Variants in BRSK2 observed in about 807,000 individuals in gnomAD.
The protein encoded by BRSK2 is BR serine/threonine kinase 2, also known as serine/threonine-protein kinase BRSK2.
In BRSK2, 19 loss-of-function variants were observed where a neutral mutation model predicts 83.3. The ratio of observed to expected loss-of-function variants is 0.23; its 90% CI spans 0.16 to 0.33. BRSK2 has a LOEUF of 0.33. BRSK2 is among the 10% of genes least tolerant of loss of function. BRSK2 has a pLI of 1.00. For synonymous variants in BRSK2, 519 were observed against 435.4 expected (o/e 1.19, Z -2.39); for missense variants, 798 against 1,042.3 (o/e 0.77, Z 3.23).
chr11:1,409,182 C>T (rs1382192523), intron 1 of BRSK2, among the ~76,000 whole-genome samples: 1 of 152,180 alleles, frequency 6.6e-6, no homozygotes, highest in Non-Finnish European at 1.5e-5. Context: ...CTCTGCCCCG[C>T]CCCAGCCATC....
chr11:1,420,848 C>T (rs971384937), intron 1 of BRSK2, among the ~76,000 whole-genome samples: 12 of 152,046 alleles, frequency 7.9e-5, no homozygotes, highest in Non-Finnish European at 1.2e-4. Flanking sequence ...AGCAGGTGCC[C>T]GGCAACTCCC....
At chr11:1,393,507 G>C (rs915659325) in intron 1 of BRSK2, among the ~76,000 whole-genome samples, 1 of 152,216 alleles carries the variant, frequency 6.6e-6, no homozygotes, top group Non-Finnish European at 1.5e-5. Flanking sequence ...GAACGAAGGA[G>C]CTAGGATGAG....
chr11:1,410,868 C>T (rs1026126551), intron 1 of BRSK2: 39 of 985,530 alleles, frequency 4.0e-5, no homozygotes, highest in Middle Eastern at 1.0e-3. Flanking sequence ...TCAGCAGCCA[C>T]TTGGTAGGAG....
chr11:1,397,994 G>A (rs749129212), intron 1 of BRSK2, among the ~76,000 whole-genome samples: 5 of 152,240 alleles, frequency 3.3e-5, no homozygotes, highest in Non-Finnish European at 7.3e-5. Context: ...CCGGGCAGAG[G>A]TGGGAGGGCG....
At position 1,461,768 on chromosome 11, in the gene BRSK2, AGGGTGT is replaced by A. The variant is rs1847525246; in HGVS notation, c.*1049_*1054del. ...TTTTTTTCTTGGTGGTTTTTGGAAAAGGGTGTGGGGGTGGGGGCGCCGCTGGGGCAG... is the reference window on the plus strand; with the variant it reads ...TTTTTTTCTTGGTGGTTTTTGGAAAAGGGGGTGGGGGCGCCGCTGGGGCAG... On this transcript the variant is annotated 3_prime_UTR_variant, in exon 20 of 20. Transcript: ENST00000528841. 1 of 125,644 alleles carries A rather than the reference AGGGTGT, an allele frequency of 8.0e-6. No homozygotes were observed. The highest frequency in any genetic ancestry group is 1.7e-5 in the Non-Finnish European group (1 of 60,302). The allele number at this position is 125,644 out of a possible 1,614,324, so 7.8% of individuals were successfully genotyped here.
At chr11:1,411,389 G>A (rs879696806) in intron 1 of BRSK2, 6 of 1,458,786 alleles carry the variant, frequency 4.1e-6, no homozygotes, top group Non-Finnish European at 5.4e-6. Flanking sequence ...GCCTGGTAGG[G>A]CACCAGCCTC....
intron 1 of BRSK2, among the ~76,000 whole-genome samples, chr11:1,417,664 G>T (rs1848235321): frequency 6.9e-6 from 1 of 145,412 alleles, no homozygotes; most frequent in African/African-American, 2.6e-5. Flanking sequence ...CTTGAGAGTG[G>T]GTCACACTGT....
chr11:1,454,325 T>C lies in BRSK2; in HGVS notation c.1545-160T>C, dbSNP rs1193828005. The C allele has an allele frequency of 2.5e-6, 2 of 812,018 alleles. No homozygotes were observed. Among genetic ancestry groups the C allele is most frequent in the South Asian group, 1.6e-5 (1 of 62,390 alleles). The allele number at this position is 812,018 out of a possible 1,614,324, so 50.3% of individuals were successfully genotyped here. On this transcript the variant is annotated intron_variant, in intron 15 of 19. Transcript: ENST00000528841. The surrounding 1 kb of genome is among the most constrained non-coding windows in gnomAD (Gnocchi z 5.2). ...GGGCATATGGGCTAGGGTTAGGGCGTTGGGGTCAGGGCCATGGGTTCTGGC... is the reference window on the plus strand; with the variant it reads ...GGGCATATGGGCTAGGGTTAGGGCGCTGGGGTCAGGGCCATGGGTTCTGGC...
At chr11:1,426,891 G>T (rs919420922) in intron 1 of BRSK2, among the ~76,000 whole-genome samples, 1 of 152,092 alleles carries the variant, frequency 6.6e-6, no homozygotes, top group Non-Finnish European at 1.5e-5. Context: ...GGACCACTCC[G>T]CCTGGTGGGA....
chr11:1,400,060 C>A (rs1265163001), intron 1 of BRSK2, among the ~76,000 whole-genome samples: 1 of 152,208 alleles, frequency 6.6e-6, no homozygotes, highest in East Asian at 1.9e-4. Flanking sequence ...ACCAAAGGGC[C>A]GTTATCACCC....
In BRSK2 at chr11:1,441,076, C is replaced by T. The variant is rs1465876973; in HGVS notation, c.413+148C>T. The stretch of plus-strand genomic sequence containing the variant: ...CCCCCCATTAGCTGCCCCTCAAGTG[C>T]ACCATCTCCTCCTCCCCATTAGCTG... On this transcript the variant is annotated intron_variant, in intron 4 of 19. Coordinates refer to ENST00000528841, the MANE Select transcript of BRSK2 (RefSeq NM_001256627.2). 19 of 660,672 alleles carry T rather than the reference C, an allele frequency of 2.9e-5. No homozygotes were observed. In the East Asian group the frequency reaches 3.7e-4, roughly 13 times the overall value. 40.9% of individuals were successfully genotyped at this position (660,672 alleles called of 1,614,324 possible).
chr11:1,448,016 C>T (rs148694353), intron 12 of BRSK2, among the ~76,000 whole-genome samples: 1,672 of 152,236 alleles, frequency 0.011, 37 homozygotes, highest in African/African-American at 0.037. Context: ...CAAGGGCCCG[C>T]GGGCCAGGCA....
rs541677577 is a variant in BRSK2 at position 1,449,227 on chromosome 11, C to T, written c.1227-549C>T. On this transcript the variant is annotated intron_variant, in intron 12 of 19. Coordinates refer to ENST00000528841, the MANE Select transcript of BRSK2 (RefSeq NM_001256627.2). ...AGGGCAGTGGTGGGACAAGGCCCCACCGTCCCTGCCAGCAGCTGCCCCAGC... is the reference window on the plus strand; with the variant it reads ...AGGGCAGTGGTGGGACAAGGCCCCATCGTCCCTGCCAGCAGCTGCCCCAGC... Among the ~76,000 whole-genome samples, 8 of 152,340 alleles carry T rather than the reference C, an allele frequency of 5.3e-5. No individual in the cohort carries two copies. In the East Asian group the frequency reaches 1.2e-3, roughly 22 times the overall value.
intron 5 of BRSK2, 43 bp from the exon 6 acceptor site, chr11:1,443,063 C>T (rs1365454051): frequency 6.6e-7 from 1 of 1,522,022 alleles, no homozygotes; most frequent in South Asian, 1.2e-5. Context: ...GAGGGCCTGG[C>T]AGCGCCCGGA....
chr11:1,408,335 G>C (rs1041947514), intron 1 of BRSK2, among the ~76,000 whole-genome samples: 2 of 152,192 alleles, frequency 1.3e-5, no homozygotes, highest in African/African-American at 4.8e-5. Flanking sequence ...CCTGGCTTTG[G>C]GGAGGGTGGA....
intron 19 of BRSK2, among the ~76,000 whole-genome samples, chr11:1,459,739 C>G (rs1847172461): frequency 2.0e-5 from 3 of 152,186 alleles, no homozygotes; most frequent in African/African-American, 4.8e-5. Flanking sequence ...CCATTTCCGC[C>G]CCTCTTCTCA....
At chr11:1,418,513 T>C (rs1848336149) in intron 1 of BRSK2, among the ~76,000 whole-genome samples, 1 of 147,738 alleles carries the variant, frequency 6.8e-6, no homozygotes, top group Non-Finnish European at 1.5e-5. Context: ...TTTCTTCTCT[T>C]GAGAGTGGGT....
Position 1,454,176 on chromosome 11 carries a change from G to A in BRSK2, c.1545-309G>A, listed in dbSNP as rs78501642. Reference sequence around the variant, plus strand: ...TTGGTGAGGGGGGGCTCACCTGTGGGGGGCTCACCTGTGGAGGGGCATCCC... The same window carrying A: ...TTGGTGAGGGGGGGCTCACCTGTGGAGGGCTCACCTGTGGAGGGGCATCCC... On this transcript the variant is annotated intron_variant, in intron 15 of 19. Coordinates refer to ENST00000528841, the MANE Select transcript of BRSK2 (RefSeq NM_001256627.2). The surrounding 1 kb of genome is among the most constrained non-coding windows in gnomAD (Gnocchi z 5.2). 0.04 allele frequency: 9,941 copies of A among 248,396 alleles called. 292 individuals are homozygous for A. Among genetic ancestry groups the A allele is most frequent in the East Asian group, 0.058 (543 of 9,322 alleles). The allele number at this position is 248,396 out of a possible 1,614,324, so 15.4% of individuals were successfully genotyped here.
intron 4 of BRSK2, 135 bp from the exon 5 acceptor site, chr11:1,442,355 A>G: frequency 1.6e-6 from 1 of 642,512 alleles, no homozygotes; most frequent in Non-Finnish European, 2.8e-6. Context: ...TGACATCACC[A>G]GGCTGGGCTG....
Sources: gnomAD v4.1 joint callset for allele counts (sites outside exome capture counted in the v4.1 genomes callset) on GRCh38, gnomAD v4.1.1 for gene constraint, Gnocchi (gnomAD v3.1) non-coding constraint, MANE v1.5 for transcripts, NCBI Gene and HGNC (gene_info 2026-07-23, HGNC 2026-07-21) for gene names.